EIF3E: variants seen among roughly 807,000 people sequenced by gnomAD.
EIF3E encodes eIF-3 p48.
EIF3E carries 25 observed loss-of-function variants against 59.3 expected under a neutral mutation model. That is an observed-to-expected ratio of 0.42 (90% CI 0.31 to 0.59). The LOEUF (loss-of-function observed/expected upper bound fraction) is 0.59, where lower values mean the gene tolerates loss of function less well. EIF3E is among the 20% of genes least tolerant of loss of function. The probability of loss-of-function intolerance (pLI) is 0.15; values close to 1 mark genes in which losing one functional copy is unlikely to be tolerated. For synonymous variants in EIF3E, 176 were observed against 170.2 expected (o/e 1.03, Z -0.26); for missense variants, 317 against 534.3 (o/e 0.59, Z 4.01).
intron 3 of EIF3E, among the ~76,000 whole-genome samples, chr8:108,236,773 G>A (rs1254987511): frequency 6.6e-6 from 1 of 152,124 alleles, no homozygotes; most frequent in Admixed American, 6.5e-5. Flanking sequence ...TGTAATCCCA[G>A]CACTTTGGGA....
intron 2 of EIF3E, 129 bp from the exon 3 acceptor site, chr8:108,240,204 A>G: frequency 1.3e-6 from 1 of 775,060 alleles, no homozygotes; most frequent in Non-Finnish European, 2.3e-6. Flanking sequence ...CAATATATTC[A>G]TATGCCATGG....
intron 1 of EIF3E, chr8:108,242,586 A>G: frequency 8.6e-7 from 1 of 1,169,256 alleles, no homozygotes; most frequent in South Asian, 1.7e-5. Context: ...GAAAAATCCA[A>G]GAAAATGCCA....
At chr8:108,210,753 C>G (rs965812632) in intron 10 of EIF3E, among the ~76,000 whole-genome samples, 2 of 152,016 alleles carry the variant, frequency 1.3e-5, no homozygotes, top group East Asian at 1.9e-4. Context: ...CCACTCCCCC[C>G]ACCCCACGAC....
At chr8:108,246,559 AATTAACCCTTGGACG>A (rs1165650105) in intron 1 of EIF3E, among the ~76,000 whole-genome samples, 1 of 152,128 alleles carries the variant, frequency 6.6e-6, no homozygotes, top group Non-Finnish European at 1.5e-5. Context: ...GGCCCTATAC[AATTAACCCTTGGACG>A]ACAAGGGTTT....
intron 3 of EIF3E, among the ~76,000 whole-genome samples, chr8:108,236,817 T>C (rs1232475584): frequency 6.6e-6 from 1 of 150,838 alleles, no homozygotes; most frequent in African/African-American, 2.4e-5. Flanking sequence ...AGGTCAGGAG[T>C]TCAAGACCAG....
At chr8:108,229,246 A>C (rs1465628426) in intron 5 of EIF3E, 51 bp from the exon 6 acceptor site, 3 of 1,583,462 alleles carry the variant, frequency 1.9e-6, no homozygotes, top group Non-Finnish European at 2.6e-6. Context: ...TGAAAAATGA[A>C]CATAATGTAT....
rs78658896 is a variant in EIF3E at position 108,246,002 on chromosome 8, T to C, written c.90+2611A>G. On this transcript the variant is annotated intron_variant, in intron 1 of 12. Transcript: ENST00000220849. ...AATCCTATATTTACTGTTTTTTTCC[T>C]ATACATGCATACCTATGATAAAGTT... Among the ~76,000 whole-genome samples, 1,331 of 152,296 alleles carry C rather than the reference T, an allele frequency of 8.7e-3. 17 individuals are homozygous for C. The highest frequency in any genetic ancestry group is 0.03 in the African/African-American group (1,238 of 41,552).
At chr8:108,217,300 TAA>T (rs11358208) in intron 8 of EIF3E, 32 bp downstream of exon 8, 805 of 1,338,716 alleles carry the variant, frequency 6.0e-4, no homozygotes, top group South Asian at 1.2e-3. Flanking sequence ...CTTAGGTATT[TAA>T]AAAAAAAAAT....
At chr8:108,216,695 G>A (rs558493160) in intron 8 of EIF3E, among the ~76,000 whole-genome samples, 182 bp from the exon 9 acceptor site, 3 of 152,122 alleles carry the variant, frequency 2.0e-5, no homozygotes, top group South Asian at 2.1e-4. Context: ...AGCTTATTAT[G>A]TCTTTCAAAC....
At chr8:108,233,934 GTTAATACAAGGATGT>G (rs1012654661) in intron 5 of EIF3E, among the ~76,000 whole-genome samples, 2 of 150,854 alleles carry the variant, frequency 1.3e-5, no homozygotes, top group Non-Finnish European at 2.9e-5. Flanking sequence ...TGAGAGGCTA[GTTAATACAAGGATGT>G]TTTGATAACT....
chr8:108,213,944 G>A (rs563158094), intron 10 of EIF3E, among the ~76,000 whole-genome samples: 26 of 152,308 alleles, frequency 1.7e-4, no homozygotes, highest in African/African-American at 6.0e-4. Flanking sequence ...TTCCTCAGAA[G>A]CAAACACTAA....
rs151221441 is a variant in EIF3E, at chr8:108,220,289, C to G, written c.723-2829G>C. Among the ~76,000 whole-genome samples the G allele has an allele frequency of 7.1e-3, 1,083 of 152,314 alleles. 6 individuals are homozygous for G. Among genetic ancestry groups the G allele is most frequent in the Non-Finnish European group, 0.01 (697 of 68,018 alleles). ...CTATTATTTTGGTATTATCTTTTAG[C>G]GTGTCATCACATTGCAGATTAATCA... On this transcript the variant is annotated intron_variant, in intron 7 of 12. Coordinates refer to ENST00000220849, the MANE Select transcript of EIF3E (RefSeq NM_001568.3).
intron 7 of EIF3E, among the ~76,000 whole-genome samples, chr8:108,220,619 C>T (rs1328546845): frequency 6.6e-6 from 1 of 152,310 alleles, no homozygotes; most frequent in Admixed American, 6.5e-5. Context: ...GAAACATTAT[C>T]AAGTCTGCTG....
At chr8:108,226,651 A>T (rs1815521957) in intron 7 of EIF3E, among the ~76,000 whole-genome samples, 1 of 152,104 alleles carries the variant, frequency 6.6e-6, no homozygotes, top group South Asian at 2.1e-4. Context: ...ATCTAACTTT[A>T]ATGTTTGAGG....
At chr8:108,219,719 T>A (rs608115) in intron 7 of EIF3E, among the ~76,000 whole-genome samples, 79,327 of 151,422 alleles carry the variant, frequency 0.52, 21,118 homozygotes, top group African/African-American at 0.65. Context: ...CTACAAAAAA[T>A]AATAATAATA....
chr8:108,245,068 CA>C (rs1815921055), intron 1 of EIF3E, among the ~76,000 whole-genome samples: 1 of 152,000 alleles, frequency 6.6e-6, no homozygotes, highest in African/African-American at 2.4e-5. Flanking sequence ...TTCCTTTGAT[CA>C]GTTTCTTAGT....
intron 7 of EIF3E, among the ~76,000 whole-genome samples, chr8:108,223,496 A>G (rs1403115710): frequency 6.6e-6 from 1 of 152,216 alleles, no homozygotes; most frequent in Non-Finnish European, 1.5e-5. Flanking sequence ...TGGACATCAC[A>G]TAGTGGATTG....
At chr8:108,225,113 C>A (rs1184877015) in intron 7 of EIF3E, among the ~76,000 whole-genome samples, 1 of 151,598 alleles carries the variant, frequency 6.6e-6, no homozygotes, top group East Asian at 1.9e-4. Context: ...GAACCAGCTG[C>A]TTTTCTCACA....
At chr8:108,230,176 T>A (rs898907301) in intron 5 of EIF3E, among the ~76,000 whole-genome samples, 1 of 152,166 alleles carries the variant, frequency 6.6e-6, no homozygotes, top group Admixed American at 6.5e-5. Flanking sequence ...CATAATAGTA[T>A]AAATATCAAG....
Sources: gnomAD v4.1 joint callset for allele counts (sites outside exome capture counted in the v4.1 genomes callset) on GRCh38, gnomAD v4.1.1 for gene constraint, MANE v1.5 for transcripts, NCBI Gene and HGNC (gene_info 2026-07-23, HGNC 2026-07-21) for gene names.